Variants in TPH2 observed in about 807,000 individuals in gnomAD.
TPH2 encodes the protein tryptophan 5-hydroxylase 2.
In TPH2, 27 loss-of-function variants were observed where a neutral mutation model predicts 59.1. The observed-to-expected ratio is 0.46, with a 90% CI of 0.34 to 0.63. TPH2 has a LOEUF of 0.63. Ranked by LOEUF, TPH2 falls within the 30% of genes least tolerant of loss-of-function variation. TPH2 has a pLI of 0.01. For synonymous variants in TPH2, 220 were observed against 210.5 expected (o/e 1.05, Z -0.39); for missense variants, 523 against 588.3 (o/e 0.89, Z 1.15).
At chr12:72,026,202 GA>G (rs1372413401) in intron 9 of TPH2, among the ~76,000 whole-genome samples, 11 of 149,730 alleles carry the variant, frequency 7.3e-5, no homozygotes, top group Non-Finnish European at 1.5e-4. Context: ...CCAGAGATTA[GA>G]TTTTTTTTTT....
chr12:71,970,404 T>TA (rs1324090098), intron 5 of TPH2, among the ~76,000 whole-genome samples: 1 of 152,246 alleles, frequency 6.6e-6, no homozygotes, highest in African/African-American at 2.4e-5. Flanking sequence ...CTTCCTATCC[T>TA]AATTTACACT....
At chr12:71,943,426 T>C (rs892804388) in intron 2 of TPH2, among the ~76,000 whole-genome samples, 6 of 152,102 alleles carry the variant, frequency 3.9e-5, no homozygotes, top group African/African-American at 1.4e-4. Flanking sequence ...TCAATTAACT[T>C]AGAGGAAATG....
At chr12:72,025,199 A>G (rs1566172881) in intron 9 of TPH2, among the ~76,000 whole-genome samples, 1 of 152,164 alleles carries the variant, frequency 6.6e-6, no homozygotes, top group East Asian at 1.9e-4. Context: ...TACAGTTTTG[A>G]GTGCAGTTAC....
intron 5 of TPH2, among the ~76,000 whole-genome samples, chr12:71,952,566 A>C (rs1311400634): frequency 6.6e-6 from 1 of 152,136 alleles, no homozygotes; most frequent in Non-Finnish European, 1.5e-5. Context: ...AGTCAAGTCA[A>C]AGCAAAGGGT....
At chr12:71,998,577 A>G (rs76375085) in intron 8 of TPH2, among the ~76,000 whole-genome samples, 1,811 of 152,302 alleles carry the variant, frequency 0.012, 27 homozygotes, top group Middle Eastern at 0.027. Context: ...GATACCATGC[A>G]TGTTAATGAA....
intron 8 of TPH2, among the ~76,000 whole-genome samples, chr12:71,997,041 G>A (rs1872710110): frequency 6.6e-6 from 1 of 152,180 alleles, no homozygotes; most frequent in African/African-American, 2.4e-5. Context: ...GTTTTAGTCA[G>A]AATAATTTCT....
chr12:71,964,737 C>A, intron 5 of TPH2: 1 of 985,326 alleles, frequency 1.0e-6, no homozygotes, highest in Non-Finnish European at 1.2e-6. Flanking sequence ...AGACATGCAA[C>A]AAATGCTTGA....
chr12:71,955,002 G>T (rs1871455430), intron 5 of TPH2, among the ~76,000 whole-genome samples: 2 of 152,072 alleles, frequency 1.3e-5, no homozygotes, highest in Admixed American at 1.3e-4. Context: ...TTGAAAGTAA[G>T]GTAGCCCATG....
Position 71,941,589 on chromosome 12 carries a change from T to C in TPH2, c.111T>C (p.Asn37=). 1 of 1,613,848 alleles carries C rather than the reference T, an allele frequency of 6.2e-7. No individual in the cohort carries two copies. Among genetic ancestry groups the C allele is most frequent in the Non-Finnish European group, 8.5e-7 (1 of 1,179,876 alleles). The stretch of plus-strand genomic sequence containing the variant: ...ATGCTTCGACATTCCTGAAGCTAAA[T>C]AAACCTAACTCTGGCAAAAATGACG... The part of the protein sequence containing the change: ...EHQLLGSSTL[N]KPNSGKNDDK... The change falls in exon 2 of 11, where the codon AAT becomes AAC. Residue 37 remains asparagine, a synonymous_variant. Coordinates refer to ENST00000333850, the MANE Select transcript of TPH2 (RefSeq NM_173353.4).
intron 5 of TPH2, among the ~76,000 whole-genome samples, chr12:71,968,842 G>A (rs1265938914): frequency 2.6e-5 from 4 of 152,228 alleles, no homozygotes; most frequent in African/African-American, 9.6e-5. Flanking sequence ...ACCAAGCCCT[G>A]TAAGGAGATG....
chr12:71,962,693 T>A, intron 5 of TPH2: 1 of 979,010 alleles, frequency 1.0e-6, no homozygotes, highest in Non-Finnish European at 1.2e-6. Context: ...ATTGATTGAT[T>A]TACTCACTTA....
intron 4 of TPH2, among the ~76,000 whole-genome samples, chr12:71,948,385 C>A (rs965479332): frequency 6.6e-6 from 1 of 152,112 alleles, no homozygotes; most frequent in Non-Finnish European, 1.5e-5. Context: ...CATCTTCTCT[C>A]TCCTCCCCTT....
chr12:72,025,750 T>A (rs945582690), intron 9 of TPH2, among the ~76,000 whole-genome samples: 11 of 152,138 alleles, frequency 7.2e-5, no homozygotes, highest in African/African-American at 2.7e-4. Flanking sequence ...ATGAGCTGAG[T>A]CACCTGGAAC....
chr12:71,967,094 G>A (rs916183717), intron 5 of TPH2, among the ~76,000 whole-genome samples: 1 of 152,132 alleles, frequency 6.6e-6, no homozygotes, highest in African/African-American at 2.4e-5. Context: ...CAGTCTCAGT[G>A]GGGTATATGT....
chr12:72,006,802 C>A lies in TPH2; in HGVS notation c.1068+12237C>A, dbSNP rs996929056. 3.9e-5 allele frequency among the ~76,000 whole-genome samples: 6 copies of A among 152,078 alleles called. No homozygotes were observed. The East Asian group carries it at 9.6e-4, about 24-fold the overall frequency. On this transcript the variant is annotated intron_variant, in intron 8 of 10. Coordinates refer to ENST00000333850, the MANE Select transcript of TPH2 (RefSeq NM_173353.4). The stretch of plus-strand genomic sequence containing the variant: ...GCACAAGTTACTTAACCTCTCTGTG[C>A]CCCAGTTTTGTCATCTTTAAAATGA...
At chr12:71,964,491 A>AATAT in intron 5 of TPH2, 2 of 958,592 alleles carry the variant, frequency 2.1e-6, no homozygotes, top group South Asian at 4.8e-5. Context: ...GTTGATGCAG[A>AATAT]ATATATATAT....
In TPH2 at chr12:71,945,589, G is replaced by A. The variant is rs148308557; in HGVS notation, c.540+903G>A. ...AGGAAATCTGGGGGTTTGGCAGTGT[G>A]GCTATACTCTGCGCAGTGGCTCTCT... On this transcript the variant is annotated intron_variant, in intron 4 of 10. Coordinates refer to ENST00000333850, the MANE Select transcript of TPH2 (RefSeq NM_173353.4). 5.4e-4 allele frequency among the ~76,000 whole-genome samples: 82 copies of A among 152,228 alleles called. 1 individual carries two copies. The highest frequency in any genetic ancestry group is 1.9e-3 in the African/African-American group (77 of 41,530).
chr12:71,999,274 T>C (rs992034523), intron 8 of TPH2, among the ~76,000 whole-genome samples: 1 of 152,248 alleles, frequency 6.6e-6, no homozygotes, highest in Non-Finnish European at 1.5e-5. Flanking sequence ...ATGTGGGCAA[T>C]GGTTTCTATG....
intron 8 of TPH2, among the ~76,000 whole-genome samples, chr12:71,996,585 C>T (rs750101266): frequency 1.1e-4 from 17 of 152,132 alleles, no homozygotes; most frequent in African/African-American, 1.2e-4. Flanking sequence ...CCCTTGATCA[C>T]GGAGCAAGAT....
Sources: allele counts gnomAD v4.1 joint callset (sites outside exome capture counted in the v4.1 genomes callset), GRCh38; gene constraint gnomAD v4.1.1; transcripts MANE v1.5; gene names NCBI Gene and HGNC (gene_info 2026-07-23, HGNC 2026-07-21).